Variants in SYT14 observed in about 807,000 individuals in gnomAD.
The protein encoded by SYT14 is synaptotagmin 14.
SYT14 carries 32 observed loss-of-function variants against 74.2 expected under a neutral mutation model. The observed-to-expected ratio is 0.43, with a 90% CI of 0.33 to 0.58. The LOEUF is 0.58. Ranked by LOEUF, SYT14 falls within the 20% of genes least tolerant of loss-of-function variation. The pLI is 0.05. For synonymous variants in SYT14, 298 were observed against 337.7 expected (o/e 0.88, Z 1.29); for missense variants, 791 against 981.8 (o/e 0.81, Z 2.60).
chr1:210,043,331 G>C (rs2080828454), intron 5 of SYT14, among the ~76,000 whole-genome samples: 1 of 151,910 alleles, frequency 6.6e-6, no homozygotes, highest in African/African-American at 2.4e-5. Context: ...CAATTTCTAA[G>C]AGAAAATCTT....
intron 3 of SYT14, 111 bp downstream of exon 3, chr1:210,013,908 T>C (rs2102922843): frequency 3.9e-6 from 4 of 1,025,388 alleles, no homozygotes; most frequent in Non-Finnish European, 5.6e-6. Context: ...TAAACTAATA[T>C]TTGAGCTACT....
chr1:210,084,096 A>G (rs1262379471), intron 5 of SYT14, among the ~76,000 whole-genome samples: 2 of 152,178 alleles, frequency 1.3e-5, no homozygotes, highest in Admixed American at 1.3e-4. Flanking sequence ...TACTTACAAC[A>G]GACATTTTAG....
intron 2 of SYT14, among the ~76,000 whole-genome samples, chr1:209,979,996 TG>T (rs775057928): frequency 1.3e-5 from 2 of 152,230 alleles, no homozygotes; most frequent in Non-Finnish European, 2.9e-5. Context: ...CTGGGTCAAA[TG>T]GTATTTCTGC....
At chr1:210,161,857 A>G (rs1302624031) in exon 10 of SYT14, 4 of 451,506 alleles carry the variant, frequency 8.9e-6, no homozygotes, top group Admixed American at 2.4e-5. Flanking sequence ...CTAATAGAGC[A>G]GGACTTTACT....
intron 5 of SYT14, among the ~76,000 whole-genome samples, chr1:210,070,659 G>T (rs1011113062): frequency 6.6e-6 from 1 of 152,052 alleles, no homozygotes; most frequent in Non-Finnish European, 1.5e-5. Flanking sequence ...ACAAATGCCC[G>T]TTGTTTACCA....
chr1:210,098,967 A>C (rs1375097793), intron 6 of SYT14, among the ~76,000 whole-genome samples: 2 of 152,104 alleles, frequency 1.3e-5, no homozygotes, highest in African/African-American at 4.8e-5. Context: ...TCTTGTGGGT[A>C]GTATTTCTAG....
At chr1:210,142,681 G>A (rs1018803683) in intron 7 of SYT14, among the ~76,000 whole-genome samples, 3 of 152,152 alleles carry the variant, frequency 2.0e-5, no homozygotes, top group Admixed American at 6.6e-5. Context: ...TTAAAAGTAA[G>A]TAACAGATTG....
chr1:210,163,975 T>C (rs1036355824), exon 10 of SYT14: 18 of 452,560 alleles, frequency 4.0e-5, no homozygotes, highest in Non-Finnish European at 6.6e-5. Flanking sequence ...AATAAAATGA[T>C]ATAGTCCAAA....
At chr1:210,164,081 C>A (rs1375294681) in exon 10 of SYT14, 1 of 452,610 alleles carries the variant, frequency 2.2e-6, no homozygotes, top group Non-Finnish European at 4.4e-6. Context: ...TTATTGCTGC[C>A]CAGTAAACAA....
intron 7 of SYT14, among the ~76,000 whole-genome samples, chr1:210,135,319 C>T (rs559756328): frequency 1.1e-4 from 16 of 152,182 alleles, no homozygotes; most frequent in African/African-American, 3.9e-4. Context: ...TGATTTTAGA[C>T]CTTCTATTGC....
intron 7 of SYT14, among the ~76,000 whole-genome samples, chr1:210,116,324 T>C (rs1275224998): frequency 6.6e-6 from 1 of 152,132 alleles, no homozygotes; most frequent in African/African-American, 2.4e-5. Flanking sequence ...TCTTATATTA[T>C]TGAACTTGTT....
chr1:210,091,406 A>G (rs1447552455), intron 5 of SYT14, among the ~76,000 whole-genome samples: 1 of 152,230 alleles, frequency 6.6e-6, no homozygotes, highest in Non-Finnish European at 1.5e-5. Flanking sequence ...TCAAGAAAAC[A>G]GGCCTGGCGC....
chr1:210,097,673 A>G (rs1170663650), intron 6 of SYT14, among the ~76,000 whole-genome samples: 2 of 152,234 alleles, frequency 1.3e-5, no homozygotes, highest in Non-Finnish European at 2.9e-5. Flanking sequence ...ATAATTAATA[A>G]TCTTTAATTA....
chr1:210,099,879 T>C, intron 6 of SYT14, 133 bp from the exon 6 acceptor site: 2 of 893,976 alleles, frequency 2.2e-6, no homozygotes, highest in Non-Finnish European at 3.4e-6. Flanking sequence ...TAGTTGACTG[T>C]TAATTATTAT....
chr1:210,094,741 C>A, intron 6 of SYT14, 148 bp downstream of exon 5: 1 of 1,029,856 alleles, frequency 9.7e-7, no homozygotes, highest in Non-Finnish European at 1.4e-6. Flanking sequence ...TAATCTTTAT[C>A]CAACAAACTT....
intron 6 of SYT14, 116 bp from the exon 6 acceptor site, chr1:210,099,896 A>G (rs2082030431): frequency 2.0e-6 from 2 of 1,014,524 alleles, no homozygotes; most frequent in East Asian, 2.6e-5. Context: ...TTATTGTATT[A>G]CTTTCTTTGT....
intron 7 of SYT14, among the ~76,000 whole-genome samples, chr1:210,118,267 A>G (rs2082396375): frequency 6.6e-6 from 1 of 152,200 alleles, no homozygotes; most frequent in Non-Finnish European, 1.5e-5. Context: ...TGTTTCTTAT[A>G]AAAACATCAT....
intron 2 of SYT14, among the ~76,000 whole-genome samples, chr1:209,959,476 A>G (rs561883748): frequency 1.3e-5 from 2 of 152,312 alleles, no homozygotes; most frequent in East Asian, 3.9e-4. Context: ...CAAAAGGGAA[A>G]CAACCTAAAT....
intron 5 of SYT14, among the ~76,000 whole-genome samples, chr1:210,078,296 C>A (rs2473071): frequency 8.7e-6 from 1 of 114,970 alleles, no homozygotes; most frequent in African/African-American, 3.6e-5. Flanking sequence ...GGCGACAGAG[C>A]GAGACTCCGT....
Sources: gnomAD v4.1 joint callset for allele counts (sites outside exome capture counted in the v4.1 genomes callset) on GRCh38, gnomAD v4.1.1 for gene constraint, MANE v1.5 for transcripts, NCBI Gene and HGNC (gene_info 2026-07-23, HGNC 2026-07-21) for gene names.